AGO4: variants seen among roughly 807,000 people sequenced by gnomAD.
The protein encoded by AGO4 is argonaute RISC component 4, also known as protein argonaute-4.
AGO4 carries 33 observed loss-of-function variants against 104.7 expected under a neutral mutation model. The observed-to-expected ratio is 0.32, with a 90% CI of 0.24 to 0.42. The LOEUF (loss-of-function observed/expected upper bound fraction) is 0.42. Ranked by LOEUF, AGO4 falls within the 10% of genes least tolerant of loss-of-function variation. The pLI is 1.00. For synonymous variants in AGO4, 331 were observed against 364.7 expected, an observed-to-expected ratio of 0.91 and a Z score of 1.05; for missense variants, 711 against 1,083.4, an observed-to-expected ratio of 0.66 and a Z score of 4.83.
intron 1 of AGO4, among the ~76,000 whole-genome samples, chr1:35,815,246 C>T (rs1643654684): frequency 6.6e-6 from 1 of 152,158 alleles, no homozygotes; most frequent in Admixed American, 6.5e-5. Flanking sequence ...AATGCCATTG[C>T]AGTAACAGAA....
chr1:35,814,628 G>A (rs1052554429), intron 1 of AGO4, among the ~76,000 whole-genome samples: 17 of 152,014 alleles, frequency 1.1e-4, no homozygotes, highest in African/African-American at 3.6e-4. Flanking sequence ...TGCTCTATGG[G>A]TTCCCCTATA....
chr1:35,853,022 A>G lies in AGO4; in HGVS notation c.2478-475A>G, dbSNP rs1435225765. Among the ~76,000 whole-genome samples the G allele has an allele frequency of 2.6e-5, 4 of 152,136 alleles. No individual in the cohort carries two copies. The East Asian group carries it at 5.8e-4, about 22-fold the overall frequency. On this transcript the variant is annotated intron_variant, in intron 17 of 17. Coordinates refer to ENST00000373210, the MANE Select transcript of AGO4 (RefSeq NM_017629.4). Reference sequence around the variant, plus strand: ...TCCCAGCACTTTGGGAGGCCGAGGCAGGCGGATCACGAGGTCAGGAGATCG... The same window carrying G: ...TCCCAGCACTTTGGGAGGCCGAGGCGGGCGGATCACGAGGTCAGGAGATCG...
chr1:35,826,994 G>A (rs561922833), intron 7 of AGO4, among the ~76,000 whole-genome samples, 159 bp downstream of exon 7: 9 of 152,070 alleles, frequency 5.9e-5, no homozygotes, highest in Non-Finnish European at 1.0e-4. Context: ...GAGGTCAGGA[G>A]TTCAAGACCA....
Position 35,832,109 on chromosome 1 carries a change from G to A in AGO4, c.1169G>A (p.Gly390Asp), listed in dbSNP as rs745534919. The change falls in exon 10 of 18, where the codon GGT becomes GAT. Residue 390 changes from glycine to aspartate, a missense_variant. This residue lies in a region of AGO4 where 401 missense variants were observed against 665.5 expected (regional missense o/e 0.60). Transcript: ENST00000373210. ...GGPDPYLKEF[G>D]IVVHNEMTEL... ...CCTGATCCATACCTTAAAGAATTTG[G>A]TATTGTTGTCCACAATGAAATGACA... 6 of 1,614,072 alleles carry A rather than the reference G, an allele frequency of 3.7e-6. No homozygotes were observed. In the Admixed American group the frequency reaches 8.3e-5, roughly 22 times the overall value.
Position 35,825,971 on chromosome 1 carries a change from T to C in AGO4, c.671T>C (p.Met224Thr). 6.2e-7 allele frequency: 1 copy of C among 1,614,220 alleles called. No individual in the cohort carries two copies. The highest frequency in any genetic ancestry group is 2.2e-5 in the East Asian group (1 of 44,890). ...CGGGCTCAGCCTATCATTGAGTTCA[T>C]GTGTGAGGTTTTAGACATTCAGAAC... is the stretch of plus-strand genomic sequence containing the variant. The part of the protein sequence containing the change: ...FYRAQPIIEF[M>T]CEVLDIQNIN... Residue 224 changes from methionine (M) to threonine (T), a missense_variant, in exon 6 of 18, where the codon ATG becomes ACG. Physicochemically the swap from Met to Thr is moderately conservative, Grantham distance 81. Transcript: ENST00000373210.
chr1:35,851,802 G>A (rs764809146), intron 17 of AGO4, among the ~76,000 whole-genome samples: 1 of 152,118 alleles, frequency 6.6e-6, no homozygotes, highest in Non-Finnish European at 1.5e-5. Flanking sequence ...CATTTATTCG[G>A]CATATTTATT....
intron 1 of AGO4, among the ~76,000 whole-genome samples, chr1:35,809,638 G>T (rs901492759): frequency 2.6e-5 from 4 of 152,130 alleles, no homozygotes; most frequent in African/African-American, 4.8e-5. Context: ...ATTATGCCAG[G>T]TTAACTTCAG....
At chr1:35,828,195 C>T (rs1418461591) in intron 7 of AGO4, among the ~76,000 whole-genome samples, 1 of 151,944 alleles carries the variant, frequency 6.6e-6, no homozygotes, top group African/African-American at 2.4e-5. Context: ...TACAGACACA[C>T]GTATATATAT....
chr1:35,826,199 C>A, intron 6 of AGO4, 139 bp downstream of exon 6: 2 of 964,330 alleles, frequency 2.1e-6, no homozygotes, highest in East Asian at 2.5e-5. Flanking sequence ...AGTTCCTTAA[C>A]CACTGTGAAC....
chr1:35,848,940 A>G (rs1445173795), intron 15 of AGO4, among the ~76,000 whole-genome samples: 1 of 152,218 alleles, frequency 6.6e-6, no homozygotes, highest in African/African-American at 2.4e-5. Flanking sequence ...AGATTTTTCT[A>G]TACTCATAGA....
rs1049258961 is a variant in AGO4 at position 35,841,017 on chromosome 1, G to A, written c.1725-148G>A. On this transcript the variant is annotated intron_variant, in intron 13 of 17. Coordinates refer to ENST00000373210, the MANE Select transcript of AGO4 (RefSeq NM_017629.4). The surrounding 1 kb of genome is among the most constrained non-coding windows in gnomAD (Gnocchi z 4.7). ...CTGTACTGGGTGACATCAATATTCA[G>A]TGGTCCGTAGTGTTCTTTCCCAATG... 3.1e-5 allele frequency: 23 copies of A among 753,472 alleles called. No individual in the cohort carries two copies. Among genetic ancestry groups the A allele is most frequent in the Non-Finnish European group, 4.7e-5 (22 of 469,934 alleles). The allele number at this position is 753,472 out of a possible 1,614,324, so 46.7% of individuals were successfully genotyped here. A position where few individuals can be genotyped will look rare whatever the true frequency, so the allele number is the denominator to read the frequency against.
intron 1 of AGO4, among the ~76,000 whole-genome samples, chr1:35,812,516 C>T (rs753040551): frequency 2.0e-5 from 3 of 152,140 alleles, no homozygotes; most frequent in African/African-American, 7.2e-5. Flanking sequence ...AACTCAAAGT[C>T]GTATGTCCTT....
At chr1:35,827,869 A>G (rs1336390996) in intron 7 of AGO4, among the ~76,000 whole-genome samples, 1 of 145,610 alleles carries the variant, frequency 6.9e-6, no homozygotes, top group African/African-American at 2.6e-5. Context: ...CTCCCACCTC[A>G]GACTTCCAAG....
intron 13 of AGO4, among the ~76,000 whole-genome samples, chr1:35,840,446 G>A (rs749660154): frequency 2.0e-5 from 3 of 152,016 alleles, no homozygotes; most frequent in Non-Finnish European, 4.4e-5. Flanking sequence ...ACAGGCGTGA[G>A]TCACCATGCC....
rs760351782 is a variant in AGO4, at chr1:35,841,127, A to C, written c.1725-38A>C. Reference sequence around the variant, plus strand: ...TTGCTAAACTCAAACATTTTCACTTATATGTCTGAGTGGCAACATCTCCTT... The same window carrying C: ...TTGCTAAACTCAAACATTTTCACTTCTATGTCTGAGTGGCAACATCTCCTT... On this transcript the variant is annotated intron_variant, in intron 13 of 17. Coordinates refer to ENST00000373210, the MANE Select transcript of AGO4 (RefSeq NM_017629.4). This position sits in a 1 kb window ranked among gnomAD's most constrained non-coding sequence, Gnocchi z 4.7. 1.9e-6 allele frequency: 3 copies of C among 1,585,612 alleles called. No individual in the cohort carries two copies. In the East Asian group the frequency reaches 6.8e-5, roughly 36 times the overall value.
At chr1:35,820,814 G>A (rs1234117819) in intron 2 of AGO4, among the ~76,000 whole-genome samples, 1 of 152,132 alleles carries the variant, frequency 6.6e-6, no homozygotes, top group Non-Finnish European at 1.5e-5. Flanking sequence ...AAGGCTTATT[G>A]TGGGACAAGC....
At chr1:35,812,932 A>G (rs980840732) in intron 1 of AGO4, among the ~76,000 whole-genome samples, 20 of 152,150 alleles carry the variant, frequency 1.3e-4, no homozygotes, top group African/African-American at 4.6e-4. Flanking sequence ...GCTTAAGTGT[A>G]TCTTGAAATA....
Position 35,831,717 on chromosome 1 carries a change from AT to A in AGO4, c.997-90del. On this transcript the variant is annotated intron_variant, in intron 8 of 17. Coordinates refer to ENST00000373210, the MANE Select transcript of AGO4 (RefSeq NM_017629.4). ...GATTTCACTATATAACCAAATTTTA[AT>A]TTTTCTGGAAATAGAGGATATAAGA... 6.4e-6 allele frequency: 10 copies of A among 1,552,168 alleles called. 1 individual carries two copies. In the South Asian group the frequency reaches 1.2e-4, roughly 19 times the overall value.
In AGO4 at chr1:35,808,338, CGCGGCG is replaced by C. The variant is rs935802044; in HGVS notation, c.-59_-54del. 5.9e-5 allele frequency: 51 copies of C among 860,148 alleles called. No homozygotes were observed. The highest frequency in any genetic ancestry group is 1.0e-4 in the South Asian group (2 of 19,370). 53.3% of individuals were successfully genotyped at this position (860,148 alleles called of 1,614,324 possible). On this transcript the variant is annotated 5_prime_UTR_variant, in exon 1 of 18. Transcript: ENST00000373210. The surrounding 1 kb of genome is among the most constrained non-coding windows in gnomAD (Gnocchi z 5.2). ...CCAATATTCCGGAGATCAAGCGTTA[CGCGGCG>C]GCGGCGGCGGCGGCGGCGGGGCCCG...
Sources: allele counts gnomAD v4.1 joint callset (sites outside exome capture counted in the v4.1 genomes callset), GRCh38; gene constraint gnomAD v4.1.1; regional missense constraint gnomAD v4.1.1; non-coding constraint Gnocchi (gnomAD v3.1); transcripts MANE v1.5; gene names NCBI Gene and HGNC (gene_info 2026-07-23, HGNC 2026-07-21).